KCTD1: variants seen among roughly 807,000 people sequenced by gnomAD.
KCTD1 encodes potassium channel tetramerization domain containing 1, also known as BTB/POZ domain-containing protein KCTD1.
In KCTD1, 24 loss-of-function variants were observed where a neutral mutation model predicts 66.0. That is an observed-to-expected ratio of 0.36 (90% CI 0.26 to 0.51). The LOEUF (loss-of-function observed/expected upper bound fraction) is 0.51, where lower values mean the gene tolerates loss of function less well. KCTD1 is among the 20% of genes least tolerant of loss of function. The probability of loss-of-function intolerance (pLI) is 0.95; values close to 1 mark genes in which losing one functional copy is unlikely to be tolerated. For synonymous variants in KCTD1, 511 were observed against 517.2 expected (o/e 0.99, Z 0.16); for missense variants, 943 against 1,205.2 (o/e 0.78, Z 3.22).
At chr18:26,522,772 T>A (rs1405836668) in intron 1 of KCTD1, among the ~76,000 whole-genome samples, 1 of 152,162 alleles carries the variant, frequency 6.6e-6, no homozygotes. Flanking sequence ...CTGTGTCAAG[T>A]GCTGTGTGCG....
intron 1 of KCTD1, among the ~76,000 whole-genome samples, chr18:26,567,750 G>A (rs1986017284): frequency 6.6e-6 from 1 of 152,058 alleles, no homozygotes; most frequent in Non-Finnish European, 1.5e-5. Context: ...GCCTCCCAGA[G>A]TGCTGGGATT....
At chr18:26,473,561 AATT>A (rs1488090696) in intron 3 of KCTD1, among the ~76,000 whole-genome samples, 3 of 60,584 alleles carry the variant, frequency 5.0e-5, no homozygotes, top group East Asian at 7.5e-4. Flanking sequence ...CAGAACTTAA[AATT>A]AATAATAATA....
chr18:26,479,415 A>AC (rs929462658), intron 2 of KCTD1, among the ~76,000 whole-genome samples: 3 of 152,156 alleles, frequency 2.0e-5, no homozygotes, highest in South Asian at 2.1e-4. Flanking sequence ...GAAACCGCAG[A>AC]CCCCCCGCCA....
chr18:26,541,055 G>T (rs567674557), intron 1 of KCTD1, among the ~76,000 whole-genome samples: 2 of 152,258 alleles, frequency 1.3e-5, no homozygotes, highest in South Asian at 4.2e-4. Flanking sequence ...TGGAGTGGGG[G>T]TCACTAAGAA....
intron 1 of KCTD1, among the ~76,000 whole-genome samples, chr18:26,656,847 C>T (rs1330708577): frequency 8.3e-6 from 1 of 120,978 alleles, no homozygotes; most frequent in Non-Finnish European, 1.6e-5. Flanking sequence ...TTTGCGGGCG[C>T]GGAGCTTTGC....
At chr18:26,486,713 T>G (rs1018273604) in intron 2 of KCTD1, among the ~76,000 whole-genome samples, 1 of 152,208 alleles carries the variant, frequency 6.6e-6, no homozygotes, top group Admixed American at 6.5e-5. Flanking sequence ...TTATTTCCCT[T>G]GGTGTTTTAC....
chr18:26,581,184 T>A (rs977059416), intron 1 of KCTD1: 4 of 152,206 alleles, frequency 2.6e-5, no homozygotes, highest in Non-Finnish European at 5.9e-5. Flanking sequence ...GTATAATACA[T>A]CTGACTTCTC....
chr18:26,551,796 A>G (rs917567299), upstream of KCTD1, among the ~76,000 whole-genome samples: 2 of 152,226 alleles, frequency 1.3e-5, no homozygotes, highest in African/African-American at 4.8e-5. Context: ...AAGAATCAAA[A>G]AAGCTTTCTT....
chr18:26,538,212 A>G (rs974715450), intron 1 of KCTD1, among the ~76,000 whole-genome samples: 1 of 152,066 alleles, frequency 6.6e-6, no homozygotes, highest in Non-Finnish European at 1.5e-5. Flanking sequence ...GCACCACTGC[A>G]CTCCAGCCTG....
chr18:26,571,895 G>A (rs1986116011), intron 1 of KCTD1, among the ~76,000 whole-genome samples: 1 of 152,172 alleles, frequency 6.6e-6, no homozygotes, highest in African/African-American at 2.4e-5. Context: ...ACAATGGTAT[G>A]AAGTGTTTGG....
chr18:26,605,381 C>T (rs1986988410), intron 1 of KCTD1, among the ~76,000 whole-genome samples: 2 of 152,216 alleles, frequency 1.3e-5, no homozygotes, highest in South Asian at 4.1e-4. Context: ...TCCTCCCTTA[C>T]ACAAGTCCTT....
intron 2 of KCTD1, 99 bp downstream of exon 2, chr18:26,500,966 TCCTGCCC>T: frequency 7.8e-7 from 1 of 1,284,578 alleles, no homozygotes; most frequent in Non-Finnish European, 1.1e-6. Flanking sequence ...CACTTTCACA[TCCTGCCC>T]CCTGCCTCCA....
intron 1 of KCTD1, among the ~76,000 whole-genome samples, chr18:26,534,915 A>G (rs2144788593): frequency 6.6e-6 from 1 of 152,262 alleles, no homozygotes; most frequent in East Asian, 1.9e-4. Flanking sequence ...TCTCATCACC[A>G]AAGTATTCTT....
chr18:26,540,098 A>T (rs941655834), intron 1 of KCTD1, among the ~76,000 whole-genome samples: 5 of 152,126 alleles, frequency 3.3e-5, no homozygotes. Context: ...GACAGAAAGG[A>T]TGGGGATTGA....
chr18:26,514,549 C>CA (rs200444964), intron 1 of KCTD1, among the ~76,000 whole-genome samples: 9,958 of 120,844 alleles, frequency 0.082, 473 homozygotes, highest in South Asian at 0.17. Context: ...GACCTTGTCT[C>CA]AAAAAAAAAA....
intron 1 of KCTD1, among the ~76,000 whole-genome samples, chr18:26,511,636 G>T (rs1231244747): frequency 6.6e-6 from 1 of 152,182 alleles, no homozygotes. Context: ...GAAGGAAGTT[G>T]ACTCTGAGGT....
At chr18:26,599,224 C>A (rs1239523619) in intron 1 of KCTD1, among the ~76,000 whole-genome samples, 5 of 152,132 alleles carry the variant, frequency 3.3e-5, no homozygotes, top group Non-Finnish European at 7.4e-5. Context: ...CATTCTTTTG[C>A]ATGTAGATAT....
At chr18:26,551,948 G>C (rs1985581606), upstream of KCTD1, among the ~76,000 whole-genome samples, 1 of 152,128 alleles carries the variant, frequency 6.6e-6, no homozygotes, top group Non-Finnish European at 1.5e-5. Flanking sequence ...CCCTTTGAAA[G>C]GATGCTTTTT....
chr18:26,476,989 G>C lies in KCTD1; in HGVS notation c.1989-330C>G, dbSNP rs1269446683. On this transcript the variant is annotated intron_variant, in intron 2 of 4. Coordinates refer to ENST00000580059, the MANE Select transcript of KCTD1 (RefSeq NM_001142730.3). This position sits in a 1 kb window ranked among gnomAD's most constrained non-coding sequence, Gnocchi z 4.9. ...CGTGTTACTTAAAACAAGCATCCCT[G>C]ATACTTAAAAAATGTTATTGCTCCA... The C allele has an allele frequency of 1.0e-5, 2 of 198,138 alleles. No homozygotes were observed. Among genetic ancestry groups the C allele is most frequent in the African/African-American group, 4.6e-5 (2 of 43,090 alleles). The allele number at this position is 198,138 out of a possible 1,614,324, so 12.3% of individuals were successfully genotyped here.
Sources: gnomAD v4.1 joint callset for allele counts (sites outside exome capture counted in the v4.1 genomes callset) on GRCh38, gnomAD v4.1.1 for gene constraint, Gnocchi (gnomAD v3.1) non-coding constraint, MANE v1.5 for transcripts, NCBI Gene and HGNC (gene_info 2026-07-23, HGNC 2026-07-21) for gene names.